Variants in ZMYM4 observed in about 807,000 individuals in gnomAD.
The protein encoded by ZMYM4 is zinc finger MYM-type containing 4.
A neutral mutation model predicts 183.2 loss-of-function variants in ZMYM4; 31 were observed. The observed-to-expected ratio is 0.17, with a 90% CI of 0.13 to 0.23. ZMYM4 has a LOEUF of 0.23. Ranked by LOEUF, ZMYM4 falls within the 10% of genes least tolerant of loss-of-function variation. The probability of loss-of-function intolerance (pLI) is 1.00; values close to 1 mark genes in which losing one functional copy is unlikely to be tolerated. For missense variants in ZMYM4, 1,273 were observed against 1,840.3 expected (o/e 0.69, Z 5.64); for synonymous variants, 592 against 631.2 (o/e 0.94, Z 0.93).
At chr1:35,318,488 C>T (rs1057205367) in intron 1 of ZMYM4, among the ~76,000 whole-genome samples, 6 of 152,124 alleles carry the variant, frequency 3.9e-5, no homozygotes, top group African/African-American at 7.2e-5. Flanking sequence ...GGCGAAGTCT[C>T]GCTCTGTCAC....
Position 35,414,093 on chromosome 1 carries a change from T to A in ZMYM4, c.4060+10T>A. ...ACAATACTTCCTAATGGTAGGGTGA[T>A]TTTTTTTTTATTGTTTTCATGATAT... is the stretch of plus-strand genomic sequence containing the variant. On this transcript the variant is annotated intron_variant, in intron 27 of 29. Coordinates refer to ENST00000314607, the MANE Select transcript of ZMYM4 (RefSeq NM_005095.3). The A allele has an allele frequency of 8.6e-7, 1 of 1,160,820 alleles. No homozygotes were observed. The highest frequency in any genetic ancestry group is 2.8e-5 in the East Asian group (1 of 36,334). 71.9% of individuals were successfully genotyped at this position (1,160,820 alleles called of 1,614,324 possible). A position where few individuals can be genotyped will look rare whatever the true frequency, so the allele number is the denominator to read the frequency against.
At position 35,352,644 on chromosome 1, in the gene ZMYM4, C is replaced by T. The variant is rs555024277; in HGVS notation, c.86-6281C>T. Among the ~76,000 whole-genome samples, 4 of 152,322 alleles carry T rather than the reference C, an allele frequency of 2.6e-5. No homozygotes were observed. The East Asian group carries it at 7.7e-4, about 29-fold the overall frequency. On this transcript the variant is annotated intron_variant, in intron 2 of 29. Transcript: ENST00000314607. ...TCTCAGTCTTCATTTTATCAGTCAT[C>T]TCAGCAGCATTCATTATGGTTCAGG... is the stretch of plus-strand genomic sequence containing the variant.
At chr1:35,367,992 C>A (rs1042093075) in intron 5 of ZMYM4, among the ~76,000 whole-genome samples, 5 of 151,458 alleles carry the variant, frequency 3.3e-5, no homozygotes, top group African/African-American at 1.2e-4. Context: ...CATTATACAT[C>A]AAAATGAGTA....
intron 2 of ZMYM4, among the ~76,000 whole-genome samples, chr1:35,355,383 C>G (rs890627938): frequency 3.3e-5 from 5 of 151,900 alleles, no homozygotes; most frequent in Non-Finnish European, 7.4e-5. Flanking sequence ...TTGTCATTAC[C>G]AACCTGCTGT....
chr1:35,318,091 C>T (rs1642129836), intron 1 of ZMYM4, among the ~76,000 whole-genome samples: 2 of 134,686 alleles, frequency 1.5e-5, no homozygotes, highest in African/African-American at 5.9e-5. Flanking sequence ...CAGAGTCTCA[C>T]TCTATCACCC....
In ZMYM4 at chr1:35,418,564, G is replaced by T; in HGVS notation, c.4431G>T (p.Leu1477=). 6.2e-7 allele frequency: 1 copy of T among 1,613,860 alleles called. No individual in the cohort carries two copies. Among genetic ancestry groups the T allele is most frequent in the Non-Finnish European group, 8.5e-7 (1 of 1,179,920 alleles). Residue 1477 remains leucine (L), a synonymous_variant, in exon 29 of 30, where the codon CTG becomes CTT. Coordinates refer to ENST00000314607, the MANE Select transcript of ZMYM4 (RefSeq NM_005095.3). ...RCPVRLYEFY[L]SKCSESVKQR... ...CAGTCCGACTTTATGAGTTTTACCT[G>T]TCAAAATGGTAATCTTTCTCTGAAC...
chr1:35,350,979 T>G, intron 2 of ZMYM4: 2 of 803,146 alleles, frequency 2.5e-6, no homozygotes, highest in Admixed American at 2.1e-5. Flanking sequence ...AAAATATGGT[T>G]TGAAGGTTGG....
intron 2 of ZMYM4, among the ~76,000 whole-genome samples, chr1:35,349,813 G>C (rs892903629): frequency 6.8e-6 from 1 of 147,058 alleles, no homozygotes; most frequent in Non-Finnish European, 1.5e-5. Flanking sequence ...CTGGGAGACA[G>C]AGCCAGACTC....
chr1:35,342,846 T>C lies in ZMYM4; in HGVS notation c.86-16079T>C, dbSNP rs553803264. Among the ~76,000 whole-genome samples, 13 of 152,092 alleles carry C rather than the reference T, an allele frequency of 8.5e-5. 1 individual carries two copies. In the South Asian group the frequency reaches 2.3e-3, roughly 27 times the overall value. ...CCACCACGCCCAGCTACTTTTTTTT[T>C]CTTTTTGTACTTTTTTGTAGAGATG... On this transcript the variant is annotated intron_variant, in intron 2 of 29. Coordinates refer to ENST00000314607, the MANE Select transcript of ZMYM4 (RefSeq NM_005095.3).
intron 1 of ZMYM4, among the ~76,000 whole-genome samples, chr1:35,302,378 C>CTTTT (rs1179477732): frequency 1.9e-4 from 16 of 86,160 alleles, no homozygotes; most frequent in Non-Finnish European, 2.5e-4. Flanking sequence ...GCTAATTTGA[C>CTTTT]TTTTTTTTTT....
chr1:35,361,363 T>A (rs1433292675), intron 4 of ZMYM4, 108 bp downstream of exon 4: 1 of 1,143,206 alleles, frequency 8.7e-7, no homozygotes, highest in Non-Finnish European at 1.2e-6. Context: ...CACTGATTTT[T>A]TTTTTTTAAT....
At chr1:35,325,992 A>G (rs960515028) in intron 2 of ZMYM4, among the ~76,000 whole-genome samples, 2 of 152,228 alleles carry the variant, frequency 1.3e-5, no homozygotes, top group African/African-American at 4.8e-5. Context: ...TTTTCATTCA[A>G]CTGCGTAGAC....
At chr1:35,324,115 G>A (rs1455188866) in intron 1 of ZMYM4, among the ~76,000 whole-genome samples, 1 of 151,968 alleles carries the variant, frequency 6.6e-6, no homozygotes, top group Non-Finnish European at 1.5e-5. Flanking sequence ...TATTTAGTGG[G>A]CCCATTCAAT....
chr1:35,271,616 T>G (rs1639611419), intron 1 of ZMYM4, among the ~76,000 whole-genome samples: 1 of 152,222 alleles, frequency 6.6e-6, no homozygotes, highest in Admixed American at 6.5e-5. Context: ...TTGGCCAGGC[T>G]GATCTCGAAC....
chr1:35,293,090 C>T (rs1035888583), intron 1 of ZMYM4, among the ~76,000 whole-genome samples: 1 of 151,088 alleles, frequency 6.6e-6, no homozygotes, highest in African/African-American at 2.4e-5. Flanking sequence ...AGCCTCTAAC[C>T]CCTAGGCTCA....
chr1:35,316,544 CTG>C (rs1642054196), intron 1 of ZMYM4, among the ~76,000 whole-genome samples: 2 of 152,320 alleles, frequency 1.3e-5, no homozygotes, highest in South Asian at 2.1e-4. Context: ...CTTTCAGAGT[CTG>C]TGTTGCAGTT....
At chr1:35,386,856 C>A in intron 11 of ZMYM4, 147 bp from the exon 12 acceptor site, 3 of 772,146 alleles carry the variant, frequency 3.9e-6, no homozygotes, top group Non-Finnish European at 6.0e-6. Context: ...CCCCCCATTC[C>A]GTAATAAGCT....
At chr1:35,365,191 C>G (rs1644041227) in intron 5 of ZMYM4, among the ~76,000 whole-genome samples, 1 of 149,834 alleles carries the variant, frequency 6.7e-6, no homozygotes, top group African/African-American at 2.5e-5. Flanking sequence ...TTTAGTTACT[C>G]AAGCCCTCAT....
intron 3 of ZMYM4, among the ~76,000 whole-genome samples, chr1:35,360,002 T>G (rs1002160316): frequency 6.6e-6 from 1 of 152,046 alleles, no homozygotes; most frequent in African/African-American, 2.4e-5. Context: ...TTAGCTTTAG[T>G]TAACATTCTT....
Sources: allele counts gnomAD v4.1 joint callset (sites outside exome capture counted in the v4.1 genomes callset), GRCh38; gene constraint gnomAD v4.1.1; transcripts MANE v1.5; gene names NCBI Gene and HGNC (gene_info 2026-07-23, HGNC 2026-07-21).